PPP2R5C: variants seen among roughly 807,000 people sequenced by gnomAD.
PPP2R5C encodes the protein serine/threonine-protein phosphatase 2A 56 kDa regulatory subunit gamma isoform.
A neutral mutation model predicts 68.9 loss-of-function variants in PPP2R5C; 7 were observed. That is an observed-to-expected ratio of 0.10 (90% CI 0.06 to 0.19). PPP2R5C has a LOEUF of 0.19. PPP2R5C is among the 10% of genes least tolerant of loss of function. The pLI is 1.00. For missense variants in PPP2R5C, 348 were observed against 641.3 expected, an observed-to-expected ratio of 0.54 and a Z score of 4.94; for synonymous variants, 210 against 222.2, an observed-to-expected ratio of 0.95 and a Z score of 0.49.
At chr14:101,927,200 C>CG (rs2047318913) in exon 14 of PPP2R5C, 1 of 151,978 alleles carries the variant, frequency 6.6e-6, no homozygotes, top group Admixed American at 6.6e-5. Flanking sequence ...TTTTTGCCCT[C>CG]GGGAAAAAGC....
At chr14:101,876,762 T>C (rs1034409217) in intron 2 of PPP2R5C, among the ~76,000 whole-genome samples, 2 of 152,178 alleles carry the variant, frequency 1.3e-5, no homozygotes, top group African/African-American at 4.8e-5. Context: ...GACATACGTA[T>C]GCACTCACGT....
At chr14:101,927,790 T>A (rs1055572923) in exon 14 of PPP2R5C, 3 of 152,566 alleles carry the variant, frequency 2.0e-5, no homozygotes, top group African/African-American at 7.2e-5. Flanking sequence ...TCTGTAACTT[T>A]ATGCATTAGT....
intron 1 of PPP2R5C, chr14:101,836,153 G>GTTT: frequency 5.6e-6 from 3 of 539,052 alleles, no homozygotes; most frequent in South Asian, 2.0e-5. Flanking sequence ...CAGCTGAAAG[G>GTTT]TTTTTTTTTT....
chr14:101,805,627 A>G (rs1174307984), upstream of PPP2R5C, among the ~76,000 whole-genome samples: 2 of 152,242 alleles, frequency 1.3e-5, no homozygotes, highest in East Asian at 3.8e-4. Flanking sequence ...AACATTATTC[A>G]CAAGTGACAA....
intron 9 of PPP2R5C, among the ~76,000 whole-genome samples, chr14:101,903,571 G>A (rs369511917): frequency 6.6e-6 from 1 of 152,194 alleles, no homozygotes; most frequent in African/African-American, 2.4e-5. Flanking sequence ...CCCCACGCAC[G>A]CTTGCGCCCA....
intron 1 of PPP2R5C, among the ~76,000 whole-genome samples, chr14:101,842,111 C>T (rs1357994351): frequency 1.3e-5 from 2 of 152,134 alleles, no homozygotes; most frequent in African/African-American, 4.8e-5. Context: ...CCCTGTCTTT[C>T]AACACTTACC....
intron 3 of PPP2R5C, among the ~76,000 whole-genome samples, chr14:101,790,724 C>G (rs541395563): frequency 6.6e-6 from 1 of 152,322 alleles, no homozygotes; most frequent in South Asian, 2.1e-4. Flanking sequence ...TATTTCATTT[C>G]TCTTGAGTAG....
rs2044876872 is a variant in PPP2R5C at position 101,891,191 on chromosome 14, A to G, written c.689+895A>G. On this transcript the variant is annotated intron_variant, in intron 6 of 13. Coordinates refer to ENST00000334743, the Ensembl canonical transcript of PPP2R5C. The surrounding 1 kb of genome is among the most constrained non-coding windows in gnomAD (Gnocchi z 4.9). Reference sequence around the variant, plus strand: ...GAAGTGCTTTTTCCTGCACCTTTTTAGGGATGTAGTGTAGATGGGCAGTTC... The same window carrying G: ...GAAGTGCTTTTTCCTGCACCTTTTTGGGGATGTAGTGTAGATGGGCAGTTC... Among the ~76,000 whole-genome samples the G allele has an allele frequency of 6.6e-6, 1 of 151,924 alleles. No homozygotes were observed. Among genetic ancestry groups the G allele is most frequent in the Non-Finnish European group, 1.5e-5 (1 of 67,976 alleles).
intron 9 of PPP2R5C, among the ~76,000 whole-genome samples, chr14:101,904,728 T>C (rs1224514837): frequency 6.6e-6 from 1 of 152,196 alleles, no homozygotes; most frequent in Non-Finnish European, 1.5e-5. Flanking sequence ...CTCTAAGCTG[T>C]AGGCTTCTGG....
chr14:101,870,060 T>G (rs201963207), intron 2 of PPP2R5C, among the ~76,000 whole-genome samples: 18 of 135,362 alleles, frequency 1.3e-4, no homozygotes, highest in Non-Finnish European at 2.4e-4. Context: ...TTTTTTTTTT[T>G]TTTTTTGAGT....
chr14:101,816,967 T>A (rs866625783), intron 1 of PPP2R5C, among the ~76,000 whole-genome samples: 257 of 143,028 alleles, frequency 1.8e-3, no homozygotes, highest in African/African-American at 5.2e-3. Flanking sequence ...TATATATATT[T>A]TTTTTTTTTG....
intron 1 of PPP2R5C, among the ~76,000 whole-genome samples, chr14:101,815,762 C>T (rs1030229192): frequency 3.9e-5 from 6 of 152,184 alleles, no homozygotes; most frequent in African/African-American, 1.2e-4. Context: ...CTCTGCCTCC[C>T]AGGTTCAAGC....
At chr14:101,786,115 A>G in exon 3 of PPP2R5C, 1 of 1,585,882 alleles carries the variant, frequency 6.3e-7, no homozygotes, top group Non-Finnish European at 8.6e-7. Context: ...AAGAAAGACA[A>G]ACGGCAAAAT....
At chr14:101,765,748 T>TA (rs2139935281) in intron 2 of PPP2R5C, 1 of 149,474 alleles carries the variant, frequency 6.7e-6, no homozygotes, top group South Asian at 2.1e-4. Context: ...TTTTTTTTTT[T>TA]TTTTTTTTTT....
At chr14:101,898,313 C>T (rs1013961882) in intron 8 of PPP2R5C, among the ~76,000 whole-genome samples, 6 of 152,132 alleles carry the variant, frequency 3.9e-5, no homozygotes, top group Admixed American at 1.3e-4. Flanking sequence ...TTGCGTTTAC[C>T]ACAGACAGAG....
intron 5 of PPP2R5C, among the ~76,000 whole-genome samples, chr14:101,886,892 GCTAA>G (rs975788448): frequency 1.7e-4 from 26 of 152,112 alleles, no homozygotes; most frequent in African/African-American, 4.3e-4. Context: ...ACCACATGCG[GCTAA>G]CTTTTAAAAT....
chr14:101,906,526 A>T lies in PPP2R5C; in HGVS notation c.1148A>T (p.Asn383Ile). 6.2e-7 allele frequency: 1 copy of T among 1,601,984 alleles called. No individual in the cohort carries two copies. Among genetic ancestry groups the T allele is most frequent in the Non-Finnish European group, 8.5e-7 (1 of 1,176,666 alleles). The change falls in exon 10 of 14, where the codon AAC becomes ATC. Residue 383 changes from asparagine (N) to isoleucine (I), a missense_variant. Around this residue, in one of 4 missense-constraint regions of PPP2R5C, gnomAD observed 101 missense variants for 209.8 expected, o/e 0.48. Transcript: ENST00000334743. This position sits in a 1 kb window ranked among gnomAD's most constrained non-coding sequence, Gnocchi z 4.0. ...TACCGCAACTCAAAGACCCATTGGAACAAGTAAGAAAGAACTGGCTGCCAT... is the reference window on the plus strand; with the variant it reads ...TACCGCAACTCAAAGACCCATTGGATCAAGTAAGAAAGAACTGGCTGCCAT...
chr14:101,903,683 T>C (rs2045851114), intron 9 of PPP2R5C, among the ~76,000 whole-genome samples: 1 of 152,156 alleles, frequency 6.6e-6, no homozygotes, highest in South Asian at 2.1e-4. Context: ...AATTTTTTTT[T>C]TTTTTCCTTT....
intron 2 of PPP2R5C, among the ~76,000 whole-genome samples, chr14:101,784,111 C>T (rs1818656862): frequency 1.3e-5 from 2 of 152,200 alleles, no homozygotes; most frequent in Non-Finnish European, 2.9e-5. Flanking sequence ...ACCCCTGCCT[C>T]CCAGGTCAGA....
Sources: allele counts gnomAD v4.1 joint callset (sites outside exome capture counted in the v4.1 genomes callset), GRCh38; gene constraint gnomAD v4.1.1; regional missense constraint gnomAD v4.1.1; non-coding constraint Gnocchi (gnomAD v3.1); transcripts MANE v1.5; gene names NCBI Gene and HGNC (gene_info 2026-07-23, HGNC 2026-07-21).